RYR1: variants seen among roughly 807,000 people sequenced by gnomAD.
RYR1 encodes ryanodine receptor 1, also known as central core disease of muscle.
Under a neutral mutation model 583.5 loss-of-function variants are expected in RYR1, and 342 were observed. That is an observed-to-expected ratio of 0.59 (90% CI 0.54 to 0.64). The LOEUF (loss-of-function observed/expected upper bound fraction) is 0.64. RYR1 is among the 30% of genes least tolerant of loss of function. The pLI, the probability that RYR1 is intolerant of heterozygous loss-of-function variation, is 0.00. For synonymous variants in RYR1, 2,791 were observed against 2,822.5 expected (o/e 0.99, Z 0.35); for missense variants, 6,032 against 6,917.2 (o/e 0.87, Z 4.54).
Position 38,433,874 on chromosome 19 carries a change from G to A in RYR1, c.45G>A (p.Thr15=), listed in dbSNP as rs200117623. The change falls in exon 1 of 106, where the codon ACG becomes ACA. Residue 15 remains threonine (T), a splice_region_variant and synonymous_variant. Coordinates refer to ENST00000359596, the MANE Select transcript of RYR1 (RefSeq NM_000540.3). ...EGEDEVQFLR[T]DDEVVLQCSA... Reference sequence around the variant, plus strand: ...AAGACGAGGTCCAGTTCCTGCGGACGGTGCGTATCTCTGGGTTAGGGGCCT... The same window carrying A: ...AAGACGAGGTCCAGTTCCTGCGGACAGTGCGTATCTCTGGGTTAGGGGCCT... 12 of 1,613,396 alleles carry A rather than the reference G, an allele frequency of 7.4e-6. No homozygotes were observed. The Admixed American group carries it at 8.3e-5, about 11-fold the overall frequency.
chr19:38,505,737 C>T, intron 53 of RYR1, 69 bp from the exon 54 acceptor site: 2 of 1,594,296 alleles, frequency 1.3e-6, no homozygotes, highest in Non-Finnish European at 8.6e-7. Context: ...GGGTTTTCTC[C>T]TTTGGGGTCC....
chr19:38,466,410 CCCCTGG>C lies in RYR1; in HGVS notation c.3178+24_3178+29del. The C allele has an allele frequency of 1.3e-6, 2 of 1,542,494 alleles. No individual in the cohort carries two copies. The highest frequency in any genetic ancestry group is 8.7e-7 in the Non-Finnish European group (1 of 1,146,858). On this transcript the variant is annotated intron_variant, in intron 24 of 105. Transcript: ENST00000359596. ...TGACCAGGAGCCCAGTGAGTGCTCA[CCCCTGG>C]CCCTGGCCCTGACTCCTACCCCAAC...
At chr19:38,437,635 G>A (rs1184795508) in intron 1 of RYR1, among the ~76,000 whole-genome samples, 1 of 151,942 alleles carries the variant, frequency 6.6e-6, no homozygotes, top group Non-Finnish European at 1.5e-5. Context: ...GGCAACATAG[G>A]GAGACCTTGT....
At chr19:38,542,594 C>G (rs1972246714) in intron 84 of RYR1, among the ~76,000 whole-genome samples, 5 of 152,176 alleles carry the variant, frequency 3.3e-5, no homozygotes, top group Admixed American at 3.3e-4. Flanking sequence ...TCTAGGCTCA[C>G]TGCAACCTCT....
intron 88 of RYR1, 122 bp downstream of exon 88, chr19:38,546,648 G>A (rs1972436991): frequency 2.5e-6 from 2 of 814,142 alleles, no homozygotes; most frequent in Admixed American, 4.0e-5. Flanking sequence ...CAGGATCCAT[G>A]GGTTGATGAA....
intron 17 of RYR1, 62 bp from the exon 18 acceptor site, chr19:38,457,989 A>G: frequency 1.3e-6 from 2 of 1,576,054 alleles, no homozygotes; most frequent in South Asian, 2.2e-5. Flanking sequence ...CTGGCTTCCC[A>G]CCACTTGGCT....
intron 27 of RYR1, among the ~76,000 whole-genome samples, chr19:38,470,854 G>A (rs1343078186): frequency 6.6e-6 from 1 of 152,220 alleles, no homozygotes; most frequent in Admixed American, 6.5e-5. Flanking sequence ...TGGATTGTAG[G>A]AGGTGACAGT....
intron 83 of RYR1, among the ~76,000 whole-genome samples, chr19:38,537,580 C>T (rs868266108): frequency 6.6e-6 from 1 of 152,122 alleles, no homozygotes; most frequent in African/African-American, 2.4e-5. Flanking sequence ...CAGACTCTCC[C>T]GAACGTAACA....
At chr19:38,442,793 G>A (rs182934778) in intron 3 of RYR1, among the ~76,000 whole-genome samples, 2 of 152,278 alleles carry the variant, frequency 1.3e-5, no homozygotes, top group African/African-American at 4.8e-5. Flanking sequence ...AAGGGGATGG[G>A]GGCTTCTGAG....
At position 38,485,945 on chromosome 19, in the gene RYR1, G is replaced by A. The variant is rs1453492195; in HGVS notation, c.5290G>A (p.Gly1764Arg). 1 of 1,613,736 alleles carries A rather than the reference G, an allele frequency of 6.2e-7. No individual in the cohort carries two copies. Among genetic ancestry groups the A allele is most frequent in the East Asian group, 2.2e-5 (1 of 44,886 alleles). ...TGGTCACCCCCGGCATGGCCTGCCGGGAGTTGGAGTCACCACTTCGCTGAG... is the reference window on the plus strand; with the variant it reads ...TGGTCACCCCCGGCATGGCCTGCCGAGAGTTGGAGTCACCACTTCGCTGAG... Reference protein sequence around the residue: ...ENGHPRHGLPGVGVTTSLRPP... With the variant: ...ENGHPRHGLPRVGVTTSLRPP... Residue 1764 changes from glycine to arginine, a missense_variant, in exon 34 of 106, where the codon GGA becomes AGA. Physicochemically the swap from Gly to Arg is moderately radical, Grantham distance 125. Around this residue, in one of 11 missense-constraint regions of RYR1, gnomAD observed 2,627 missense variants for 2,961.3 expected, o/e 0.89. Coordinates refer to ENST00000359596, the MANE Select transcript of RYR1 (RefSeq NM_000540.3).
chr19:38,475,652 G>A (rs893623960), intron 29 of RYR1, among the ~76,000 whole-genome samples: 2 of 152,146 alleles, frequency 1.3e-5, no homozygotes, highest in Admixed American at 1.3e-4. Flanking sequence ...GCCCACAAAC[G>A]GCAGGGAGTA....
At chr19:38,460,308 C>A in intron 19 of RYR1, 67 bp from the exon 20 acceptor site, 1 of 1,426,758 alleles carries the variant, frequency 7.0e-7, no homozygotes. Context: ...CTTCCATGTC[C>A]CCCACTGACC....
Position 38,517,406 on chromosome 19 carries a change from G to C in RYR1, c.9733G>C (p.Val3245Leu). ...SVEEMCPDIP[V>L]LERLMADIGG... ...GGAGGAGATGTGTCCCGACATCCCGGTGCTGGAGCGGCTCATGGCAGACAT... is the reference window on the plus strand; with the variant it reads ...GGAGGAGATGTGTCCCGACATCCCGCTGCTGGAGCGGCTCATGGCAGACAT... Residue 3245 changes from valine (V) to leucine (L), a missense_variant, in exon 66 of 106, where the codon GTG (valine) becomes CTG (leucine). This residue lies in a region of RYR1 where 1,493 missense variants were observed against 1,715.5 expected (regional missense o/e 0.87). Transcript: ENST00000359596. 1 of 1,614,084 alleles carries C rather than the reference G, an allele frequency of 6.2e-7. No individual in the cohort carries two copies. Among genetic ancestry groups the C allele is most frequent in the Non-Finnish European group, 8.5e-7 (1 of 1,180,016 alleles).
At chr19:38,580,719 C>T (rs1279031843) in intron 101 of RYR1, among the ~76,000 whole-genome samples, 1 of 152,078 alleles carries the variant, frequency 6.6e-6, no homozygotes, top group Non-Finnish European at 1.5e-5. Flanking sequence ...TAAACGTTAG[C>T]TGGGTGTTGT....
rs1356589845 is a variant in RYR1 at position 38,543,646 on chromosome 19, A to G, written c.11893A>G (p.Thr3965Ala). 6.2e-7 allele frequency: 1 copy of G among 1,613,402 alleles called. No individual in the cohort carries two copies. Among genetic ancestry groups the G allele is most frequent in the South Asian group, 1.1e-5 (1 of 91,070 alleles). Residue 3965 changes from threonine to alanine, a missense_variant, in exon 86 of 106, where the codon ACT becomes GCT. Physicochemically the swap from Thr to Ala is moderately conservative, Grantham distance 58 (BLOSUM62 0). Transcript: ENST00000359596. The surrounding 1 kb of genome is among the most constrained non-coding windows in gnomAD (Gnocchi z 4.4). ...SVAKQVFNSL[T>A]EYIQGPCTGN... is the part of the protein sequence containing the mutation. The stretch of plus-strand genomic sequence containing the variant: ...GGCTAAGCAGGTGTTCAACAGCCTC[A>G]CTGAGTACATCCAGGTAGGGCGCTC...
At chr19:38,495,856 G>A (rs1479530513) in intron 39 of RYR1, among the ~76,000 whole-genome samples, 10 of 152,092 alleles carry the variant, frequency 6.6e-5, no homozygotes, top group Admixed American at 6.6e-4. Context: ...TCCGCATACC[G>A]GGTTCAAGCG....
chr19:38,528,661 A>C lies in RYR1; in HGVS notation c.11000A>C (p.His3667Pro), dbSNP rs1449554304. The stretch of plus-strand genomic sequence containing the variant: ...GCTGCATGGATCCTGACTGAAGACC[A>C]CAGTTTTGAGGACCGCATGATAGAT... ...YKAAWILTEDHSFEDRMIDDL... is the reference protein window; with the variant it reads ...YKAAWILTEDPSFEDRMIDDL... The change falls in exon 75 of 106, where the codon CAC (histidine) becomes CCC (proline). Residue 3667 changes from histidine to proline, a missense_variant. His to Pro is a moderately conservative substitution (Grantham distance 77, BLOSUM62 -2). Transcript: ENST00000359596. The C allele has an allele frequency of 6.2e-7, 1 of 1,614,030 alleles. No individual in the cohort carries two copies. The highest frequency in any genetic ancestry group is 1.3e-5 in the African/African-American group (1 of 74,914).
chr19:38,510,463 G>T (rs1357471026), intron 58 of RYR1, 35 bp from the exon 59 acceptor site: 1 of 1,613,140 alleles, frequency 6.2e-7, no homozygotes, highest in Non-Finnish European at 8.5e-7. Flanking sequence ...CCCCAGCCTT[G>T]AACCCACTGT....
In RYR1 at chr19:38,535,355, T is replaced by C; in HGVS notation, c.11479T>C (p.Phe3827Leu). ...DYLKDKKEVG[F>L]FQSIQALMQT... ...TCTTAAGGACAAGAAGGAAGTTGGC[T>C]TCTTCCAGAGTATCCAGGCACTGAT... The change falls in exon 81 of 106, where the codon TTC becomes CTC. Residue 3827 changes from phenylalanine to leucine, a missense_variant. By Grantham distance (22) the Phe-to-Leu change is conservative. This residue lies in a region of RYR1 where 1,493 missense variants were observed against 1,715.5 expected (regional missense o/e 0.87). Coordinates refer to ENST00000359596, the MANE Select transcript of RYR1 (RefSeq NM_000540.3). 1 of 1,614,186 alleles carries C rather than the reference T, an allele frequency of 6.2e-7. No individual in the cohort carries two copies. Among genetic ancestry groups the C allele is most frequent in the Non-Finnish European group, 8.5e-7 (1 of 1,180,022 alleles).
Sources: gnomAD v4.1 joint callset for allele counts (sites outside exome capture counted in the v4.1 genomes callset) on GRCh38, gnomAD v4.1.1 for gene constraint, gnomAD v4.1.1 regional missense constraint, Gnocchi (gnomAD v3.1) non-coding constraint, MANE v1.5 for transcripts, NCBI Gene and HGNC (gene_info 2026-07-23, HGNC 2026-07-21) for gene names.